TLE3: variants seen among roughly 807,000 people sequenced by gnomAD.
TLE3 encodes TLE family member 3, transcriptional corepressor.
TLE3 carries 14 observed loss-of-function variants against 93.0 expected under a neutral mutation model. The observed-to-expected ratio is 0.15, with a 90% CI of 0.10 to 0.24. The LOEUF (loss-of-function observed/expected upper bound fraction) is 0.24. Ranked by LOEUF, TLE3 falls within the 10% of genes least tolerant of loss-of-function variation. The pLI, the probability that TLE3 is intolerant of heterozygous loss-of-function variation, is 1.00. For synonymous variants in TLE3, 451 were observed against 425.0 expected (o/e 1.06, Z -0.75); for missense variants, 693 against 1,046.6 (o/e 0.66, Z 4.66).
Position 70,061,888 on chromosome 15 carries a change from A to G in TLE3, c.595-1239T>C, listed in dbSNP as rs180842855. Among the ~76,000 whole-genome samples the G allele has an allele frequency of 4.6e-3, 684 of 150,128 alleles. 5 individuals are homozygous for G. The highest frequency in any genetic ancestry group is 0.017 in the African/African-American group (655 of 39,432). On this transcript the variant is annotated intron_variant, in intron 8 of 19. Coordinates refer to ENST00000451782, the MANE Select transcript of TLE3 (RefSeq NM_001105192.3). The stretch of plus-strand genomic sequence containing the variant: ...GTCCCCATGCAACACAGGAGGTCAT[A>G]TGGAGACCCAGAGGGACATCTGTTC...
intron 8 of TLE3, chr15:70,060,875 C>T (rs958548644): frequency 3.3e-6 from 2 of 605,906 alleles, no homozygotes; most frequent in African/African-American, 3.7e-5. Flanking sequence ...ATCCCCAATT[C>T]TCTTTTGCAG....
intron 9 of TLE3, 82 bp downstream of exon 9, chr15:70,060,448 C>T: frequency 1.3e-6 from 2 of 1,574,628 alleles, no homozygotes; most frequent in Non-Finnish European, 8.6e-7. Flanking sequence ...ACAAGAAGAC[C>T]CTGGCCACAG....
chr15:70,096,955 A>G lies in TLE3; in HGVS notation c.-157T>C. 2 of 870,018 alleles carry G rather than the reference A, an allele frequency of 2.3e-6. No homozygotes were observed. Among genetic ancestry groups the G allele is most frequent in the Non-Finnish European group, 1.8e-6 (1 of 554,196 alleles). The allele number at this position is 870,018 out of a possible 1,614,324, so 53.9% of individuals were successfully genotyped here. A position where few individuals can be genotyped will look rare whatever the true frequency, so the allele number is the denominator to read the frequency against. On this transcript the variant is annotated 5_prime_UTR_variant, in exon 1 of 20. Transcript: ENST00000451782. ...GCTCGTTCTCGCAGCGAAATCCCAG[A>G]GTCGGGCGCCCGCCCCAAGTGGAGA...
rs981773164 is a variant in TLE3 at position 70,054,657 on chromosome 15, T to C, written c.1607A>G (p.Lys536Arg). 1.2e-6 allele frequency: 2 copies of C among 1,604,092 alleles called. No homozygotes were observed. The highest frequency in any genetic ancestry group is 2.2e-5 in the East Asian group (1 of 44,620). Residue 536 changes from lysine (K) to arginine (R), a missense_variant, in exon 16 of 20, where the codon AAG (lysine) becomes AGG (arginine). Physicochemically the swap from Lys to Arg is conservative, Grantham distance 26. This residue lies in a region of TLE3 where 153 missense variants were observed against 379.9 expected (regional missense o/e 0.40). Coordinates refer to ENST00000451782, the MANE Select transcript of TLE3 (RefSeq NM_001105192.3). ...GAGCGTGCGCCCATCAGGGAGCAGCTTGCAGGAGCGGATGTAATTGTCCCT... is the reference window on the plus strand; with the variant it reads ...GAGCGTGCGCCCATCAGGGAGCAGCCTGCAGGAGCGGATGTAATTGTCCCT... ...LNRDNYIRSC[K>R]LLPDGRTLIV...
intron 6 of TLE3, among the ~76,000 whole-genome samples, chr15:70,072,580 C>T (rs1364623030): frequency 6.6e-6 from 1 of 152,244 alleles, no homozygotes; most frequent in Non-Finnish European, 1.5e-5. Flanking sequence ...TGCACCAGGG[C>T]CAGGGGAAGA....
At position 70,072,111 on chromosome 15, in the gene TLE3, G is replaced by A. The variant is rs114092162; in HGVS notation, c.372+2422C>T. On this transcript the variant is annotated intron_variant, in intron 6 of 19. Coordinates refer to ENST00000451782, the MANE Select transcript of TLE3 (RefSeq NM_001105192.3). ...GCGATGGCTGCATTCACTTGGAGCT[G>A]GAGAAGCAATTACCTTGAAAATGGG... is the stretch of plus-strand genomic sequence containing the variant. Among the ~76,000 whole-genome samples, 456 of 152,238 alleles carry A rather than the reference G, an allele frequency of 3.0e-3. 4 individuals carry two copies. Among genetic ancestry groups the A allele is most frequent in the African/African-American group, 0.011 (440 of 41,528 alleles).
intron 4 of TLE3, among the ~76,000 whole-genome samples, chr15:70,082,480 C>T (rs1056601299): frequency 1.3e-5 from 2 of 152,128 alleles, no homozygotes; most frequent in Non-Finnish European, 2.9e-5. Context: ...AAATGTAGCC[C>T]CTCCCGCTAC....
rs1160130838 is a variant in TLE3 at position 70,057,667 on chromosome 15, G to T, written c.1052-9C>A. ...CGTGCGCAGAGCCGAGGCTGCGAGG[G>T]GTGGGCGTCAGGGAGGTGGGCCTTA... On this transcript the variant is annotated splice_polypyrimidine_tract_variant and intron_variant, in intron 12 of 19. Coordinates refer to ENST00000451782, the MANE Select transcript of TLE3 (RefSeq NM_001105192.3). 31 of 1,561,086 alleles carry T rather than the reference G, an allele frequency of 2.0e-5. No individual in the cohort carries two copies. Among genetic ancestry groups the T allele is most frequent in the Non-Finnish European group, 2.5e-5 (29 of 1,159,802 alleles).
chr15:70,055,363 G>T lies in TLE3; in HGVS notation c.1329-65C>A, dbSNP rs978129408. The T allele has an allele frequency of 1.1e-5, 16 of 1,521,450 alleles. No individual in the cohort carries two copies. In the African/African-American group the frequency reaches 1.8e-4, roughly 17 times the overall value. The allele number at this position is 1,521,450 out of a possible 1,614,324, so 94.2% of individuals were successfully genotyped here. On this transcript the variant is annotated intron_variant, in intron 14 of 19. Transcript: ENST00000451782. Reference sequence around the variant, plus strand: ...GGCCCCTCAGAGTTCCCATAGGCCTGGCCCAGGTCATCTGCACTGCCCCCG... The same window carrying T: ...GGCCCCTCAGAGTTCCCATAGGCCTTGCCCAGGTCATCTGCACTGCCCCCG...
chr15:70,090,863 C>T (rs1010093213), intron 4 of TLE3, among the ~76,000 whole-genome samples: 48 of 152,198 alleles, frequency 3.2e-4, no homozygotes, highest in African/African-American at 1.0e-3. Context: ...GATTATACAA[C>T]CCGAAATGGG....
At chr15:70,090,455 G>A (rs1567054643) in intron 4 of TLE3, among the ~76,000 whole-genome samples, 1 of 152,144 alleles carries the variant, frequency 6.6e-6, no homozygotes, top group Non-Finnish European at 1.5e-5. Context: ...ATCAAGATAG[G>A]CTCAACTCCT....
In TLE3 at chr15:70,058,289, G is replaced by A. The variant is rs200743621; in HGVS notation, c.921C>T (p.Asn307=). The part of the protein sequence containing the change: ...PSSKTKDLGH[N]DKSSTPGLKS... The stretch of plus-strand genomic sequence containing the variant: ...TGAGCCCAGGGGTGGAGGATTTGTC[G>A]TTCTGAAGAGGGGAGATGCAGAACA... The change falls in exon 12 of 20, where the codon AAC becomes AAT. Residue 307 remains asparagine, a splice_region_variant and synonymous_variant. Coordinates refer to ENST00000451782, the MANE Select transcript of TLE3 (RefSeq NM_001105192.3). The surrounding 1 kb of genome is among the most constrained non-coding windows in gnomAD (Gnocchi z 4.1). 1,225 of 1,603,718 alleles carry A rather than the reference G, an allele frequency of 7.6e-4. 1 individual carries two copies. Among genetic ancestry groups the A allele is most frequent in the Non-Finnish European group, 8.2e-4 (968 of 1,174,628 alleles).
At chr15:70,069,557 G>C (rs904723929) in intron 6 of TLE3, among the ~76,000 whole-genome samples, 1 of 152,232 alleles carries the variant, frequency 6.6e-6, no homozygotes, top group Non-Finnish European at 1.5e-5. Flanking sequence ...TCATCTCTGA[G>C]TGCAAGAGCA....
rs1479783295 is a variant in TLE3 at position 70,057,357 on chromosome 15, A to C, written c.1251+102T>G. 5 of 1,363,164 alleles carry C rather than the reference A, an allele frequency of 3.7e-6. No homozygotes were observed. In the African/African-American group the frequency reaches 7.3e-5, roughly 20 times the overall value. 84.4% of individuals were successfully genotyped at this position (1,363,164 alleles called of 1,614,324 possible). On this transcript the variant is annotated intron_variant, in intron 13 of 19. Coordinates refer to ENST00000451782, the MANE Select transcript of TLE3 (RefSeq NM_001105192.3). ...CCACAGGGGCAGCTGCCTGGCCTTG[A>C]GACCCTGAGGGGCCCCTTTAGCATG...
chr15:70,066,423 A>C (rs2056822172), intron 6 of TLE3, among the ~76,000 whole-genome samples: 1 of 152,110 alleles, frequency 6.6e-6, no homozygotes, highest in African/African-American at 2.4e-5. Context: ...ATAGACTGTA[A>C]TGTAAAGATT....
chr15:70,091,377 T>C (rs1040056181), intron 4 of TLE3, among the ~76,000 whole-genome samples: 2 of 152,194 alleles, frequency 1.3e-5, no homozygotes, highest in Admixed American at 6.5e-5. Context: ...CTGGGGCCCC[T>C]GGTTTTAAGC....
chr15:70,052,996 A>AGAAT (rs1169455425), intron 17 of TLE3: 57 of 524,418 alleles, frequency 1.1e-4, no homozygotes, highest in African/African-American at 9.9e-4. Context: ...ATAGCAGCAG[A>AGAAT]GAATGAATCG....
chr15:70,056,162 G>T lies in TLE3; in HGVS notation c.1328+136C>A, dbSNP rs893614527. 4.9e-5 allele frequency: 48 copies of T among 971,460 alleles called. No homozygotes were observed. The Admixed American group carries it at 5.2e-4, about 11-fold the overall frequency. The allele number at this position is 971,460 out of a possible 1,614,324, so 60.2% of individuals were successfully genotyped here. On this transcript the variant is annotated intron_variant, in intron 14 of 19. Coordinates refer to ENST00000451782, the MANE Select transcript of TLE3 (RefSeq NM_001105192.3). ...AACCAGCCCTCGGTGCCTCTAGAGG[G>T]ACAGATACCTTTCCAAAGGGAGGTG... is the stretch of plus-strand genomic sequence containing the variant.
chr15:70,067,343 CTGAATGCCTGAA>C (rs1472264331), intron 6 of TLE3, among the ~76,000 whole-genome samples: 4 of 152,240 alleles, frequency 2.6e-5, no homozygotes, highest in African/African-American at 9.6e-5. Context: ...CTAACATTTA[CTGAATGCCTGAA>C]TGAATGCCTG....
Sources: gnomAD v4.1 joint callset for allele counts (sites outside exome capture counted in the v4.1 genomes callset) on GRCh38, gnomAD v4.1.1 for gene constraint, gnomAD v4.1.1 regional missense constraint, Gnocchi (gnomAD v3.1) non-coding constraint, MANE v1.5 for transcripts, NCBI Gene and HGNC (gene_info 2026-07-23, HGNC 2026-07-21) for gene names.